CRYBB1: variants seen among roughly 807,000 people sequenced by gnomAD.
The protein encoded by CRYBB1 is beta-crystallin B1.
CRYBB1 carries 16 observed loss-of-function variants against 29.5 expected under a neutral mutation model. The ratio of observed to expected loss-of-function variants is 0.54; its 90% confidence interval spans 0.37 to 0.82. CRYBB1 has a LOEUF of 0.82. CRYBB1 is among the 40% of genes least tolerant of loss of function. The pLI is 0.00. For missense variants in CRYBB1, 300 were observed against 350.5 expected, an observed-to-expected ratio of 0.86 and a Z score of 1.15; for synonymous variants, 127 against 136.7, an observed-to-expected ratio of 0.93 and a Z score of 0.49.
chr22:26,599,821 GC>G (rs780512975), intron 5 of CRYBB1, 148 bp from the exon 6 acceptor site: 67 of 726,738 alleles, frequency 9.2e-5, no homozygotes, highest in Admixed American at 5.1e-4. Context: ...CCTGCTCTGT[GC>G]CCTGGGGCAA....
chr22:26,607,932 C>T lies in CRYBB1; in HGVS notation c.389G>A (p.Ser130Asn). 1 of 1,614,236 alleles carries T rather than the reference C, an allele frequency of 6.2e-7. No homozygotes were observed. The highest frequency in any genetic ancestry group is 8.5e-7 in the Non-Finnish European group (1 of 1,180,036). The part of the protein sequence containing the change: ...EYPRWNTWSS[S>N]YRSDRLMSFR... ...GGACATGAGCCGATCACTGCGGTAG[C>T]TGCTCGACCATGTGTTCCAGCGAGG... is the stretch of plus-strand genomic sequence containing the variant. The change falls in exon 4 of 6, where the codon AGC (serine) becomes AAC (asparagine). Residue 130 changes from serine to asparagine, a missense_variant. By Grantham distance (46) the Ser-to-Asn change is conservative (BLOSUM62 1). Transcript: ENST00000647684.
chr22:26,601,874 C>T lies in CRYBB1; in HGVS notation c.575+5G>A. On this transcript the variant is annotated splice_donor_5th_base_variant and intron_variant, in intron 5 of 5. Coordinates refer to ENST00000647684, the MANE Select transcript of CRYBB1 (RefSeq NM_001887.4). The stretch of plus-strand genomic sequence containing the variant: ...GGACGCGGACCTGGCAGGAGGGATG[C>T]TTACGTTCCACTGGAGACCTTCACG... 6.2e-7 allele frequency: 1 copy of T among 1,611,922 alleles called. No homozygotes were observed. The highest frequency in any genetic ancestry group is 1.3e-5 in the African/African-American group (1 of 74,942).
At chr22:26,606,252 A>G (rs920736308) in intron 4 of CRYBB1, among the ~76,000 whole-genome samples, 2 of 152,194 alleles carry the variant, frequency 1.3e-5, no homozygotes, top group African/African-American at 2.4e-5. Flanking sequence ...GGTGGGGTCT[A>G]GGCTTTGAGA....
intron 3 of CRYBB1, among the ~76,000 whole-genome samples, chr22:26,611,469 G>GTTTTTTTTT (rs796631077): frequency 1.1e-4 from 15 of 133,322 alleles, no homozygotes; most frequent in South Asian, 2.3e-4. Context: ...TTTTTTTTTT[G>GTTTTTTTTT]TTTTTTTTTT....
intron 2 of CRYBB1, among the ~76,000 whole-genome samples, chr22:26,614,999 C>T (rs964288331): frequency 4.6e-5 from 7 of 152,028 alleles, no homozygotes; most frequent in African/African-American, 1.5e-4. Context: ...AAGGGAGACA[C>T]CTTAGAGTTA....
At chr22:26,617,820 C>T (rs77926469) in intron 1 of CRYBB1, among the ~76,000 whole-genome samples, 157 bp downstream of exon 1, 5,208 of 152,108 alleles carry the variant, frequency 0.034, 151 homozygotes, top group East Asian at 0.094. Flanking sequence ...TCCCCTCTCC[C>T]TCTCCCTCCC....
At chr22:26,608,061 T>C in intron 3 of CRYBB1, 40 bp from the exon 4 acceptor site, 1 of 1,613,784 alleles carries the variant, frequency 6.2e-7, no homozygotes, top group East Asian at 2.2e-5. Context: ...AGGAGACATA[T>C]GGTTAGTAGA....
At position 26,599,308 on chromosome 22, in the gene CRYBB1, G is replaced by T. The variant is rs1005189336; in HGVS notation, c.*182C>A. The T allele has an allele frequency of 2.6e-5, 16 of 609,012 alleles. No homozygotes were observed. In the East Asian group the frequency reaches 4.4e-4, roughly 17 times the overall value. The allele number at this position is 609,012 out of a possible 1,614,324, so 37.7% of individuals were successfully genotyped here. ...TTCAGTGTTTGCTGCTTTTATTATC[G>T]TTGTAATTATTAAGAGCGAGGAAGT... On this transcript the variant is annotated 3_prime_UTR_variant, in exon 6 of 6. Transcript: ENST00000647684.
At chr22:26,601,582 G>A (rs796206120) in intron 5 of CRYBB1, among the ~76,000 whole-genome samples, 3 of 144,268 alleles carry the variant, frequency 2.1e-5, no homozygotes, top group Non-Finnish European at 4.6e-5. Flanking sequence ...CATCAGCGCC[G>A]GCCCTTTTAG....
At chr22:26,615,395 A>G (rs538913804) in intron 2 of CRYBB1, among the ~76,000 whole-genome samples, 1 of 150,806 alleles carries the variant, frequency 6.6e-6, no homozygotes, top group Non-Finnish European at 1.5e-5. Flanking sequence ...CTTTCGATAA[A>G]CTCTAAGCAT....
At chr22:26,603,751 AAATAATAAT>A (rs60006493) in intron 4 of CRYBB1, among the ~76,000 whole-genome samples, 2 of 149,708 alleles carry the variant, frequency 1.3e-5, no homozygotes, top group Non-Finnish European at 3.0e-5. Context: ...TAAAAATACA[AAATAATAAT>A]AATAATAATA....
rs548250143 is a variant in CRYBB1 at position 26,601,739 on chromosome 22, C to T, written c.575+140G>A. On this transcript the variant is annotated intron_variant, in intron 5 of 5. Coordinates refer to ENST00000647684, the MANE Select transcript of CRYBB1 (RefSeq NM_001887.4). ...AGGAATAGAGCTCTGTTGGCTGATCCCAGGAACCAGCACTGGGAGACTGTG... is the reference window on the plus strand; with the variant it reads ...AGGAATAGAGCTCTGTTGGCTGATCTCAGGAACCAGCACTGGGAGACTGTG... 1,190 of 1,429,582 alleles carry T rather than the reference C, an allele frequency of 8.3e-4. 6 individuals are homozygous for T. The highest frequency in any genetic ancestry group is 1.0e-3 in the Non-Finnish European group (1,075 of 1,049,208). The allele number at this position is 1,429,582 out of a possible 1,614,324, so 88.6% of individuals were successfully genotyped here.
At position 26,616,160 on chromosome 22, in the gene CRYBB1, G is replaced by A. The variant is rs759718073; in HGVS notation, c.160C>T (p.Leu54=). Residue 54 remains leucine, a synonymous_variant, in exon 2 of 6, where the codon CTG becomes TTG. Transcript: ENST00000647684. The stretch of plus-strand genomic sequence containing the variant: ...CTTACCCTGTAGTTCCCAGGAGGCA[G>A]TTCCGCCGCCTTGGCGCTGGTAATA... ...VPITSAKAAE[L]PPGNYRLVVF... The A allele has an allele frequency of 1.9e-6, 3 of 1,614,222 alleles. No individual in the cohort carries two copies. The highest frequency in any genetic ancestry group is 2.5e-6 in the Non-Finnish European group (3 of 1,180,028).
intron 2 of CRYBB1, among the ~76,000 whole-genome samples, chr22:26,614,605 C>T (rs1412991191): frequency 6.6e-6 from 1 of 152,034 alleles, no homozygotes; most frequent in Non-Finnish European, 1.5e-5. Context: ...CAGTCATGCG[C>T]AACAATATGG....
At chr22:26,614,635 T>C (rs1929284803) in intron 2 of CRYBB1, among the ~76,000 whole-genome samples, 1 of 152,110 alleles carries the variant, frequency 6.6e-6, no homozygotes, top group Non-Finnish European at 1.5e-5. Flanking sequence ...AGGGATCTCA[T>C]AGTAAGTGAA....
chr22:26,616,324 C>T lies in CRYBB1; in HGVS notation c.-5G>A, dbSNP rs762950317. ...GGCCTTTGCAGCCTGAGACATGGTTCCCGCCTGCAAAAGTCTGTAAAGAAA... is the reference window on the plus strand; with the variant it reads ...GGCCTTTGCAGCCTGAGACATGGTTTCCGCCTGCAAAAGTCTGTAAAGAAA... On this transcript the variant is annotated 5_prime_UTR_variant, in exon 2 of 6. Transcript: ENST00000647684. 7 of 1,612,556 alleles carry T rather than the reference C, an allele frequency of 4.3e-6. No homozygotes were observed. Among genetic ancestry groups the T allele is most frequent in the Admixed American group, 1.7e-5 (1 of 60,032 alleles).
At chr22:26,612,363 TTTTG>T (rs1334561158) in intron 2 of CRYBB1, among the ~76,000 whole-genome samples, 173 bp from the exon 3 acceptor site, 1 of 152,154 alleles carries the variant, frequency 6.6e-6, no homozygotes. Flanking sequence ...GATTTTTGTT[TTTTG>T]TTTGTTTGTT....
intron 5 of CRYBB1, among the ~76,000 whole-genome samples, chr22:26,601,665 T>C (rs1928822993): frequency 6.6e-6 from 1 of 151,416 alleles, no homozygotes; most frequent in South Asian, 2.1e-4. Context: ...TTAGAGCTGA[T>C]TTGTTTACAC....
intron 5 of CRYBB1, among the ~76,000 whole-genome samples, chr22:26,600,740 CAG>C (rs1359808584): frequency 6.6e-6 from 1 of 152,224 alleles, no homozygotes; most frequent in African/African-American, 2.4e-5. Context: ...AGGGTCTTTC[CAG>C]GCTTCTGCCA....
Sources: gnomAD v4.1 joint callset for allele counts (sites outside exome capture counted in the v4.1 genomes callset) on GRCh38, gnomAD v4.1.1 for gene constraint, MANE v1.5 for transcripts, NCBI Gene and HGNC (gene_info 2026-07-23, HGNC 2026-07-21) for gene names.